Variants in CPNE4 observed in about 807,000 individuals in gnomAD.
CPNE4 encodes the protein copine 4.
A neutral mutation model predicts 67.9 loss-of-function variants in CPNE4; 25 were observed. The observed-to-expected ratio is 0.37, with a 90% confidence interval of 0.27 to 0.51. The LOEUF (loss-of-function observed/expected upper bound fraction) is 0.51. Ranked by LOEUF, CPNE4 falls within the 20% of genes least tolerant of loss-of-function variation. The pLI, the probability that CPNE4 is intolerant of heterozygous loss-of-function variation, is 0.93. For missense variants in CPNE4, 464 were observed against 690.8 expected, an observed-to-expected ratio of 0.67 and a Z score of 3.68; for synonymous variants, 242 against 244.9, an observed-to-expected ratio of 0.99 and a Z score of 0.11.
At chr3:131,952,647 G>T (rs1204330071) in intron 1 of CPNE4, among the ~76,000 whole-genome samples, 1 of 143,470 alleles carries the variant, frequency 7.0e-6, no homozygotes, top group African/African-American at 2.6e-5. Context: ...CCGGCCAGCC[G>T]CCCCGTCTGG....
intron 2 of CPNE4, among the ~76,000 whole-genome samples, chr3:131,821,500 T>A (rs2084957496): frequency 6.6e-6 from 1 of 152,196 alleles, no homozygotes; most frequent in South Asian, 2.1e-4. Flanking sequence ...TCATTATTCA[T>A]TCAAGATGAA....
chr3:131,573,945 A>T (rs1213348355), intron 10 of CPNE4, among the ~76,000 whole-genome samples: 1 of 152,100 alleles, frequency 6.6e-6, no homozygotes, highest in Non-Finnish European at 1.5e-5. Context: ...GGACATAGGT[A>T]TACCTCCCTG....
chr3:131,796,288 G>A (rs114150760), intron 2 of CPNE4, among the ~76,000 whole-genome samples: 1,856 of 152,184 alleles, frequency 0.012, 46 homozygotes, highest in African/African-American at 0.042. Context: ...CCTCGTTAAC[G>A]ACGTAGCAGG....
intron 12 of CPNE4, among the ~76,000 whole-genome samples, chr3:131,553,153 A>G (rs944241606): frequency 2.0e-5 from 3 of 152,134 alleles, no homozygotes; most frequent in African/African-American, 7.2e-5. Flanking sequence ...CGAAAACCTG[A>G]TAAAACAAGA....
At chr3:132,025,133 G>T (rs1257267368) in intron 1 of CPNE4, among the ~76,000 whole-genome samples, 1 of 152,176 alleles carries the variant, frequency 6.6e-6, no homozygotes, top group Non-Finnish European at 1.5e-5. Context: ...GAGAACCATG[G>T]CTTGAAGATA....
intron 2 of CPNE4, among the ~76,000 whole-genome samples, chr3:131,806,626 G>C (rs1272460441): frequency 1.3e-5 from 2 of 151,728 alleles, no homozygotes; most frequent in Non-Finnish European, 2.9e-5. Context: ...CAATAAACTT[G>C]GTCAGCAGAT....
intron 2 of CPNE4, among the ~76,000 whole-genome samples, chr3:131,787,346 G>T (rs2083594376): frequency 6.6e-6 from 1 of 152,204 alleles, no homozygotes; most frequent in African/African-American, 2.4e-5. Flanking sequence ...AGCAGAGGGA[G>T]AAGATGAACT....
At chr3:131,922,997 G>A (rs1332447756) in intron 1 of CPNE4, among the ~76,000 whole-genome samples, 3 of 152,154 alleles carry the variant, frequency 2.0e-5, no homozygotes, top group Non-Finnish European at 4.4e-5. Flanking sequence ...CATGTTAAAA[G>A]TTGTTTGTAT....
chr3:131,783,726 CTG>C (rs919896747), intron 2 of CPNE4, among the ~76,000 whole-genome samples: 12 of 152,060 alleles, frequency 7.9e-5, no homozygotes, highest in Admixed American at 7.2e-4. Flanking sequence ...ACTTCAAAAA[CTG>C]TGCTCTTAAA....
chr3:131,603,413 ATGAG>A (rs779770217), intron 7 of CPNE4, among the ~76,000 whole-genome samples: 53 of 152,200 alleles, frequency 3.5e-4, no homozygotes, highest in Non-Finnish European at 5.9e-4. Context: ...GCTTGGATGA[ATGAG>A]TGAGTGAACA....
chr3:131,751,886 A>G (rs535637535), intron 2 of CPNE4, among the ~76,000 whole-genome samples: 61 of 152,022 alleles, frequency 4.0e-4, no homozygotes, highest in African/African-American at 1.4e-3. Context: ...CCTGGCCTCC[A>G]TTGACAGCCA....
At chr3:131,952,549 C>T (rs1302225222) in intron 1 of CPNE4, among the ~76,000 whole-genome samples, 4 of 99,602 alleles carry the variant, frequency 4.0e-5, no homozygotes, top group Admixed American at 8.8e-5. Flanking sequence ...CCCGGCCAGC[C>T]ACCCCATCCG....
At chr3:131,967,872 G>A (rs2072396130) in intron 1 of CPNE4, among the ~76,000 whole-genome samples, 6 of 152,018 alleles carry the variant, frequency 3.9e-5, no homozygotes, top group Admixed American at 3.3e-4. Flanking sequence ...AATTTCATGT[G>A]GAACCAAAAA....
At chr3:131,717,874 T>TTTTC (rs71136405) in intron 3 of CPNE4, among the ~76,000 whole-genome samples, 1,273 of 96,682 alleles carry the variant, frequency 0.013, 21 homozygotes, top group African/African-American at 0.027. Context: ...TCTTTCTTTC[T>TTTTC]TTTCTTTCTT....
At chr3:131,845,200 A>G (rs944624345) in intron 2 of CPNE4, among the ~76,000 whole-genome samples, 2 of 152,234 alleles carry the variant, frequency 1.3e-5, no homozygotes, top group African/African-American at 4.8e-5. Flanking sequence ...TGGCTGTTGC[A>G]TCATCATAAC....
intron 7 of CPNE4, among the ~76,000 whole-genome samples, chr3:131,622,537 TACTG>T (rs1940530771): frequency 6.6e-6 from 1 of 152,148 alleles, no homozygotes; most frequent in Non-Finnish European, 1.5e-5. Flanking sequence ...GAGAGAGACA[TACTG>T]AAGCAGAGCA....
At chr3:131,573,521 G>C (rs1430395565) in intron 10 of CPNE4, among the ~76,000 whole-genome samples, 2 of 152,068 alleles carry the variant, frequency 1.3e-5, no homozygotes, top group Admixed American at 1.3e-4. Flanking sequence ...TTGAAGGGCA[G>C]AGCAAGCCCC....
At chr3:131,631,948 T>G (rs1374417481) in intron 7 of CPNE4, among the ~76,000 whole-genome samples, 1 of 148,638 alleles carries the variant, frequency 6.7e-6, no homozygotes, top group Non-Finnish European at 1.5e-5. Context: ...CAGGCTGGAG[T>G]GCCATGGCAC....
intron 1 of CPNE4, among the ~76,000 whole-genome samples, chr3:131,995,139 C>T (rs554450896): frequency 6.6e-6 from 1 of 152,210 alleles, no homozygotes; most frequent in South Asian, 2.1e-4. Flanking sequence ...AGCCACCATG[C>T]CCAGCTGTAG....
Sources: gnomAD v4.1 joint callset for allele counts (sites outside exome capture counted in the v4.1 genomes callset) on GRCh38, gnomAD v4.1.1 for gene constraint, MANE v1.5 for transcripts, NCBI Gene and HGNC (gene_info 2026-07-23, HGNC 2026-07-21) for gene names.